The following STYX variants were observed in gnomAD, a reference collection of about 807,000 sequenced individuals.
STYX encodes the protein serine/threonine/tyrosine-interacting protein.
In STYX, 20 loss-of-function variants were observed where a neutral mutation model predicts 42.7. That is an observed-to-expected ratio of 0.47 (90% confidence interval 0.33 to 0.68). STYX has a LOEUF of 0.68. STYX is among the 30% of genes least tolerant of loss of function. STYX has a pLI of 0.02. For synonymous variants in STYX, 78 were observed against 81.9 expected, an observed-to-expected ratio of 0.95 and a Z score of 0.26; for missense variants, 226 against 268.5, an observed-to-expected ratio of 0.84 and a Z score of 1.11.
Position 52,771,026 on chromosome 14 carries a change from C to T in STYX, c.599-7C>T, listed in dbSNP as rs1555360568. 7 of 1,611,902 alleles carry T rather than the reference C, an allele frequency of 4.3e-6. No homozygotes were observed. In the Admixed American group the frequency reaches 1.2e-4, roughly 27 times the overall value. On this transcript the variant is annotated splice_polypyrimidine_tract_variant and splice_region_variant and intron_variant, in intron 10 of 10. Transcript: ENST00000354586. ...TGCCCTTTTAATCTTCATGCAATAA[C>T]TTTTAGGCAGTTTGAAGAGAACACA... is the stretch of plus-strand genomic sequence containing the variant.
At chr14:52,762,677 T>C (rs1882138918) in intron 9 of STYX, among the ~76,000 whole-genome samples, 1 of 152,112 alleles carries the variant, frequency 6.6e-6, no homozygotes. Flanking sequence ...GTGCCATGGA[T>C]CAATTTAAAT....
At chr14:52,746,629 C>G (rs1881406971) in intron 3 of STYX, 150 bp downstream of exon 3, 2 of 628,412 alleles carry the variant, frequency 3.2e-6, no homozygotes, top group Admixed American at 4.0e-5. Context: ...CTTCCTCTTT[C>G]CCTATTTTAC....
chr14:52,757,445 G>A (rs1881917858), intron 6 of STYX, 90 bp downstream of exon 6: 2 of 1,218,936 alleles, frequency 1.6e-6, no homozygotes, highest in Non-Finnish European at 2.4e-6. Flanking sequence ...GCAGGATATG[G>A]AAGTTACAAT....
At position 52,744,836 on chromosome 14, in the gene STYX, A is replaced by G. The variant is rs763950733; in HGVS notation, c.58-16A>G. 13 of 1,612,350 alleles carry G rather than the reference A, an allele frequency of 8.1e-6. No individual in the cohort carries two copies. In the South Asian group the frequency reaches 1.3e-4, roughly 16 times the overall value. On this transcript the variant is annotated splice_polypyrimidine_tract_variant and intron_variant, in intron 1 of 10. Transcript: ENST00000354586. The stretch of plus-strand genomic sequence containing the variant: ...TTAAATGTTATCTACTTTTATTCTT[A>G]TGTTTTCCTTCCCAGGAGTGGACCT...
chr14:52,760,246 A>G (rs1199707310), intron 9 of STYX, among the ~76,000 whole-genome samples: 1 of 152,214 alleles, frequency 6.6e-6, no homozygotes, highest in Non-Finnish European at 1.5e-5. Context: ...TGGCATTACC[A>G]AGAAAAAAGG....
chr14:52,750,477 G>A (rs1881567047), intron 3 of STYX, among the ~76,000 whole-genome samples: 1 of 152,122 alleles, frequency 6.6e-6, no homozygotes, highest in South Asian at 2.1e-4. Context: ...TTAACCTTTT[G>A]AGGACATTAA....
rs147738274 is a variant in STYX, at chr14:52,768,933, G to A, written c.598G>A (p.Gly200Ser). ...ATTATCTGTTCATTCTGGTACCACAGGTAAGGATTTTTTTCTTTTTGGAGA... is the reference window on the plus strand; with the variant it reads ...ATTATCTGTTCATTCTGGTACCACAAGTAAGGATTTTTTTCTTTTTGGAGA... ...RSLSVHSGTT[G>S]SLKRTHEEED... The change falls in exon 10 of 11, where the codon GGC becomes AGC. Residue 200 changes from glycine (G) to serine (S), a missense_variant and splice_region_variant. By Grantham distance (56) the Gly-to-Ser change is moderately conservative. Transcript: ENST00000354586. 1,519 of 1,560,848 alleles carry A rather than the reference G, an allele frequency of 9.7e-4. No individual in the cohort carries two copies. The highest frequency in any genetic ancestry group is 1.2e-3 in the Non-Finnish European group (1,353 of 1,158,236).
At chr14:52,766,813 A>G (rs775826422) in intron 9 of STYX, among the ~76,000 whole-genome samples, 14 of 137,020 alleles carry the variant, frequency 1.0e-4, no homozygotes, top group Non-Finnish European at 2.1e-4. Flanking sequence ...GTTATTTGCT[A>G]TTTTCTCTGT....
intron 4 of STYX, among the ~76,000 whole-genome samples, chr14:52,752,684 A>G (rs891013497): frequency 6.6e-6 from 1 of 152,040 alleles, no homozygotes; most frequent in Non-Finnish European, 1.5e-5. Flanking sequence ...GGAACAATGT[A>G]TATATTTGCA....
chr14:52,763,618 G>T (rs1270450668), intron 9 of STYX, among the ~76,000 whole-genome samples: 1 of 151,798 alleles, frequency 6.6e-6, no homozygotes, highest in African/African-American at 2.4e-5. Context: ...TTTTTTTATT[G>T]TATAGGTGAC....
intron 10 of STYX, among the ~76,000 whole-genome samples, chr14:52,770,011 GTCT>G (rs964804127): frequency 4.6e-5 from 7 of 151,958 alleles, no homozygotes; most frequent in Non-Finnish European, 1.0e-4. Flanking sequence ...TCCTGTGTGT[GTCT>G]TCTTTTCCCC....
chr14:52,740,853 C>T (rs1418295040), intron 1 of STYX, among the ~76,000 whole-genome samples: 1 of 152,202 alleles, frequency 6.6e-6, no homozygotes, highest in African/African-American at 2.4e-5. Flanking sequence ...TCCACCCCAT[C>T]AAGATACAAG....
chr14:52,740,248 T>G (rs1288656290), intron 1 of STYX, among the ~76,000 whole-genome samples: 1 of 151,982 alleles, frequency 6.6e-6, no homozygotes, highest in East Asian at 1.9e-4. Flanking sequence ...TGCATTGCAC[T>G]CCAGCCTAGG....
intron 9 of STYX, among the ~76,000 whole-genome samples, chr14:52,762,685 A>G (rs768078806): frequency 6.6e-6 from 1 of 151,984 alleles, no homozygotes; most frequent in South Asian, 2.1e-4. Context: ...GATCAATTTA[A>G]ATTAGATTGG....
chr14:52,769,882 T>C (rs1242429372), intron 10 of STYX, among the ~76,000 whole-genome samples: 1 of 152,128 alleles, frequency 6.6e-6, no homozygotes, highest in East Asian at 1.9e-4. Flanking sequence ...TGCCAAAGCC[T>C]CCTTTGGCTT....
chr14:52,745,961 TTAGTATC>T (rs1373390225), intron 2 of STYX, among the ~76,000 whole-genome samples: 2 of 152,214 alleles, frequency 1.3e-5, no homozygotes, highest in Non-Finnish European at 1.5e-5. Flanking sequence ...AAAGTTACTG[TTAGTATC>T]TAGGGTATGA....
chr14:52,750,666 C>CA lies in STYX; in HGVS notation c.145-17_145-16insA. 8.1e-7 allele frequency: 1 copy of CA among 1,239,126 alleles called. No homozygotes were observed. The highest frequency in any genetic ancestry group is 2.0e-4 in the Middle Eastern group (1 of 4,994). The allele number at this position is 1,239,126 out of a possible 1,614,324, so 76.8% of individuals were successfully genotyped here. On this transcript the variant is annotated splice_polypyrimidine_tract_variant and intron_variant, in intron 3 of 10. Coordinates refer to ENST00000354586, the MANE Select transcript of STYX (RefSeq NM_145251.4). ...ATTTATCTTCCCTGTCCTCCCCCTGCTTTTTTTTTTATACAGCTACCTGTA... is the reference window on the plus strand; with the variant it reads ...ATTTATCTTCCCTGTCCTCCCCCTGCATTTTTTTTTTATACAGCTACCTGTA...
intron 8 of STYX, among the ~76,000 whole-genome samples, chr14:52,758,126 C>G (rs1052722931): frequency 6.6e-5 from 10 of 152,072 alleles, no homozygotes; most frequent in African/African-American, 2.4e-4. Flanking sequence ...ATATGGAAAT[C>G]CTATGGAAAA....
At chr14:52,753,764 C>T (rs1197641854) in intron 4 of STYX, among the ~76,000 whole-genome samples, 3 of 147,556 alleles carry the variant, frequency 2.0e-5, no homozygotes, top group African/African-American at 7.4e-5. Context: ...TTATTGTTGT[C>T]GGTTGAATCC....
Sources: gnomAD v4.1 joint callset for allele counts (sites outside exome capture counted in the v4.1 genomes callset) on GRCh38, gnomAD v4.1.1 for gene constraint, MANE v1.5 for transcripts, NCBI Gene and HGNC (gene_info 2026-07-23, HGNC 2026-07-21) for gene names.